Variants in PEX7 observed in about 807,000 individuals in gnomAD.
The protein encoded by PEX7 is PTS2 receptor.
PEX7 carries 34 observed loss-of-function variants against 47.5 expected under a neutral mutation model. That is an observed-to-expected ratio of 0.72 (90% CI 0.54 to 0.95). The LOEUF is 0.95. Among genes scored for constraint, PEX7 ranks in the 40% least tolerant of loss-of-function variants. The probability of loss-of-function intolerance (pLI) is 0.00; values close to 1 mark genes in which losing one functional copy is unlikely to be tolerated. For missense variants in PEX7, 394 were observed against 400.3 expected (o/e 0.98, Z 0.13); for synonymous variants, 141 against 148.8 (o/e 0.95, Z 0.38).
chr6:136,906,932 T>C (rs1290268197), intron 9 of PEX7, among the ~76,000 whole-genome samples: 2 of 152,166 alleles, frequency 1.3e-5, no homozygotes, highest in African/African-American at 4.8e-5. Context: ...GTCTGAACTT[T>C]TAATCTTGCT....
At chr6:136,837,812 C>CTACACACA (rs374578981) in intron 3 of PEX7, among the ~76,000 whole-genome samples, 1 of 146,716 alleles carries the variant, frequency 6.8e-6, no homozygotes, top group East Asian at 2.0e-4. Context: ...AATTTAAACG[C>CTACACACA]CACACACACA....
chr6:136,832,553 T>C (rs1774313707), intron 3 of PEX7, among the ~76,000 whole-genome samples: 3 of 152,262 alleles, frequency 2.0e-5, no homozygotes, highest in Admixed American at 2.0e-4. Flanking sequence ...TTCTACCTCA[T>C]GGTTAGGTTG....
intron 8 of PEX7, among the ~76,000 whole-genome samples, chr6:136,888,000 G>C (rs1395428618): frequency 8.6e-5 from 13 of 151,978 alleles, no homozygotes. Flanking sequence ...TAACTTTGGT[G>C]TGGCTGATGG....
chr6:136,823,633 G>A (rs908661912), intron 1 of PEX7, among the ~76,000 whole-genome samples: 1 of 152,172 alleles, frequency 6.6e-6, no homozygotes, highest in African/African-American at 2.4e-5. Context: ...GCTCACGTCT[G>A]TAATCCCAGC....
At chr6:136,896,535 G>A (rs1377469671) in intron 8 of PEX7, among the ~76,000 whole-genome samples, 2 of 152,104 alleles carry the variant, frequency 1.3e-5, no homozygotes, top group South Asian at 2.1e-4. Context: ...TTTGGTTGTG[G>A]ACACCATGCA....
In PEX7 at chr6:136,877,844, G is replaced by A. The variant is rs1775303229; in HGVS notation, c.803+5591G>A. 3.3e-5 allele frequency among the ~76,000 whole-genome samples: 5 copies of A among 152,176 alleles called. No homozygotes were observed. In the South Asian group the frequency reaches 1.0e-3, roughly 32 times the overall value. ...GTTTTTTTCTAATTCTGTTAAGAAAGTCAATGGTAGCTTGATGGGGATAGC... is the reference window on the plus strand; with the variant it reads ...GTTTTTTTCTAATTCTGTTAAGAAAATCAATGGTAGCTTGATGGGGATAGC... On this transcript the variant is annotated intron_variant, in intron 8 of 9. Transcript: ENST00000318471.
At chr6:136,831,786 C>A (rs1158829095) in intron 3 of PEX7, among the ~76,000 whole-genome samples, 7 of 152,280 alleles carry the variant, frequency 4.6e-5, no homozygotes, top group Admixed American at 4.6e-4. Flanking sequence ...CTGAAATGAT[C>A]TCCTTTGACT....
intron 8 of PEX7, among the ~76,000 whole-genome samples, chr6:136,878,694 A>G (rs1030064242): frequency 7.2e-5 from 11 of 152,192 alleles, no homozygotes; most frequent in Non-Finnish European, 1.3e-4. Context: ...TAGAGTATAT[A>G]TTAGGATCTC....
chr6:136,870,145 G>C (rs1438317003), intron 7 of PEX7, 142 bp downstream of exon 7: 5 of 542,600 alleles, frequency 9.2e-6, no homozygotes, highest in Non-Finnish European at 1.5e-5. Flanking sequence ...CAATTAATTA[G>C]TAGTGAAAGC....
At chr6:136,851,092 T>C (rs1774747952) in intron 5 of PEX7, among the ~76,000 whole-genome samples, 1 of 91,760 alleles carries the variant, frequency 1.1e-5, no homozygotes, top group Non-Finnish European at 2.2e-5. Flanking sequence ...GCTGGTGCGC[T>C]GCACCCACTA....
intron 8 of PEX7, among the ~76,000 whole-genome samples, chr6:136,891,424 A>T (rs530198678): frequency 2.6e-5 from 4 of 152,280 alleles, no homozygotes; most frequent in Non-Finnish European, 5.9e-5. Context: ...ATTCCAAGAG[A>T]CACCTTTGAA....
intron 5 of PEX7, among the ~76,000 whole-genome samples, chr6:136,865,878 A>G (rs1376457933): frequency 1.3e-5 from 2 of 152,094 alleles, no homozygotes; most frequent in East Asian, 1.9e-4. Context: ...AGGTCAGGCA[A>G]TCGAGATCAT....
At chr6:136,854,287 C>T (rs1199323934) in intron 5 of PEX7, among the ~76,000 whole-genome samples, 1 of 152,104 alleles carries the variant, frequency 6.6e-6, no homozygotes, top group Admixed American at 6.5e-5. Context: ...ACCTCCGCCT[C>T]CCGGGTTCAA....
At chr6:136,828,720 G>A (rs1440948155) in intron 3 of PEX7, among the ~76,000 whole-genome samples, 23 of 152,134 alleles carry the variant, frequency 1.5e-4, no homozygotes, top group Admixed American at 1.5e-3. Flanking sequence ...TGTGATGAAG[G>A]GCTAAGCTTT....
At chr6:136,884,944 G>T (rs11962316) in intron 8 of PEX7, among the ~76,000 whole-genome samples, 1 of 152,034 alleles carries the variant, frequency 6.6e-6, no homozygotes, top group Non-Finnish European at 1.5e-5. Context: ...TGTTATCATC[G>T]TAGATTTTAG....
At chr6:136,862,154 C>T (rs1342475559) in intron 5 of PEX7, among the ~76,000 whole-genome samples, 1 of 150,026 alleles carries the variant, frequency 6.7e-6, no homozygotes, top group Admixed American at 6.7e-5. Context: ...GCAACCTCCA[C>T]CCCTGGGGTT....
chr6:136,858,033 C>G (rs900410224), intron 5 of PEX7, among the ~76,000 whole-genome samples: 2 of 152,204 alleles, frequency 1.3e-5, no homozygotes, highest in African/African-American at 4.8e-5. Context: ...CCAGGCTGGT[C>G]TAGAACTCCT....
intron 5 of PEX7, among the ~76,000 whole-genome samples, chr6:136,866,061 G>T (rs952546981): frequency 6.6e-6 from 1 of 151,930 alleles, no homozygotes; most frequent in East Asian, 1.9e-4. Flanking sequence ...CCAGCCTGGC[G>T]ACAGAGTGAG....
chr6:136,833,802 G>A (rs1245407503), intron 3 of PEX7, among the ~76,000 whole-genome samples: 1 of 152,196 alleles, frequency 6.6e-6, no homozygotes, highest in Non-Finnish European at 1.5e-5. Context: ...TGTTTTAAAA[G>A]CATTTACCTT....
Sources: gnomAD v4.1 joint callset for allele counts (sites outside exome capture counted in the v4.1 genomes callset) on GRCh38, gnomAD v4.1.1 for gene constraint, MANE v1.5 for transcripts, NCBI Gene and HGNC (gene_info 2026-07-23, HGNC 2026-07-21) for gene names.